Variants in GRAMD1B observed in about 807,000 individuals in gnomAD.
GRAMD1B encodes GRAM domain containing 1B.
A neutral mutation model predicts 99.7 loss-of-function variants in GRAMD1B; 37 were observed. The ratio of observed to expected loss-of-function variants is 0.37; its 90% CI spans 0.29 to 0.49. The LOEUF is 0.49. GRAMD1B is among the 20% of genes least tolerant of loss of function. The pLI, the probability that GRAMD1B is intolerant of heterozygous loss-of-function variation, is 0.98. For missense variants in GRAMD1B, 888 were observed against 1,009.2 expected, an observed-to-expected ratio of 0.88 and a Z score of 1.63; for synonymous variants, 427 against 387.6, an observed-to-expected ratio of 1.10 and a Z score of -1.19.
intron 2 of GRAMD1B, among the ~76,000 whole-genome samples, chr11:123,565,202 C>CT (rs59084399): frequency 0.15 from 18,700 of 126,208 alleles, 1,362 homozygotes; most frequent in Admixed American, 0.17. Flanking sequence ...CTGGCTAATT[C>CT]TTTTTTTTTT....
At chr11:123,618,560 C>A in intron 17 of GRAMD1B, 133 bp from the exon 18 acceptor site, 1 of 812,880 alleles carries the variant, frequency 1.2e-6, no homozygotes, top group Non-Finnish European at 2.2e-6. Context: ...TGCTCCATCC[C>A]TCCAGCTCAG....
rs752910981 is a variant in GRAMD1B, at chr11:123,591,092, G to C, written c.685-2990G>C. 32 of 224,940 alleles carry C rather than the reference G, an allele frequency of 1.4e-4. No homozygotes were observed. The highest frequency in any genetic ancestry group is 2.2e-4 in the Non-Finnish European group (26 of 116,058). 13.9% of individuals were successfully genotyped at this position (224,940 alleles called of 1,614,324 possible). ...AGGTGCGTGACCACACCACCTCTGG[G>C]CTACTCTCTGCCCGTGGACCAGCCG... On this transcript the variant is annotated intron_variant, in intron 4 of 19. Coordinates refer to ENST00000635736, the MANE Select transcript of GRAMD1B (RefSeq NM_001387025.1). The surrounding 1 kb of genome is among the most constrained non-coding windows in gnomAD (Gnocchi z 4.7).
At chr11:123,425,594 G>A (rs1412796194), upstream of GRAMD1B, among the ~76,000 whole-genome samples, 3 of 152,192 alleles carry the variant, frequency 2.0e-5, no homozygotes, top group South Asian at 4.1e-4. Flanking sequence ...CCCTGTGAGG[G>A]CTGTTGGAAA....
chr11:123,522,655 C>A (rs1169611480), intron 2 of GRAMD1B, among the ~76,000 whole-genome samples: 3 of 152,070 alleles, frequency 2.0e-5, no homozygotes, highest in African/African-American at 4.8e-5. Context: ...TGGAACCTGT[C>A]CCCAGGGCCC....
rs1245839132 is a variant in GRAMD1B, at chr11:123,618,732, C to T, written c.2358C>T (p.Tyr786=). The T allele has an allele frequency of 1.3e-6, 2 of 1,589,200 alleles. No individual in the cohort carries two copies. Among genetic ancestry groups the T allele is most frequent in the Non-Finnish European group, 1.7e-6 (2 of 1,166,826 alleles). ...TCATCCTTAACATGATGCTCTTCTA[C>T]AAACTCTGGATGTTGGAATACACCA... ...LLVILNMMLF[Y]KLWMLEYTTQ... Residue 786 remains tyrosine, a synonymous_variant, in exon 18 of 20, where the codon TAC becomes TAT. Transcript: ENST00000635736.
chr11:123,458,281 G>A (rs1458492770), intron 1 of GRAMD1B: 2 of 152,254 alleles, frequency 1.3e-5, no homozygotes, highest in African/African-American at 4.8e-5. Context: ...TGAGGCCAAA[G>A]GCCTAGAACT....
Position 123,594,795 on chromosome 11 carries a change from A to C in GRAMD1B, c.830A>C (p.Asn277Thr). ...CAGGGCCGACTCTACCTCTCTGAAA[A>C]TTGGATCTGCTTCTACAGCAACATC... ...LLQGRLYLSE[N>T]WICFYSNIFR... The change falls in exon 6 of 20, where the codon AAT (asparagine) becomes ACT (threonine). Residue 277 changes from asparagine to threonine, a missense_variant. Asn to Thr is a moderately conservative substitution (Grantham distance 65). Coordinates refer to ENST00000635736, the MANE Select transcript of GRAMD1B (RefSeq NM_001387025.1). The C allele has an allele frequency of 6.2e-7, 1 of 1,608,220 alleles. No individual in the cohort carries two copies. The highest frequency in any genetic ancestry group is 8.5e-7 in the Non-Finnish European group (1 of 1,174,646).
chr11:123,621,492 A>G (rs1592322066), intron 19 of GRAMD1B, among the ~76,000 whole-genome samples: 1 of 152,192 alleles, frequency 6.6e-6, no homozygotes, highest in Non-Finnish European at 1.5e-5. Flanking sequence ...GTCCTAGCAA[A>G]CATGAAACCA....
intron 2 of GRAMD1B, among the ~76,000 whole-genome samples, chr11:123,493,502 G>A (rs1302469257): frequency 6.6e-6 from 1 of 152,176 alleles, no homozygotes; most frequent in Non-Finnish European, 1.5e-5. Context: ...GCCAGGGGAA[G>A]CCAGTTATAT....
chr11:123,396,282 CT>C (rs567798801), intron 1 of GRAMD1B, among the ~76,000 whole-genome samples: 1 of 140,992 alleles, frequency 7.1e-6, no homozygotes, highest in Non-Finnish European at 1.6e-5. Flanking sequence ...TCTTCTTCTT[CT>C]TTTTTTTTTG....
intron 1 of GRAMD1B, among the ~76,000 whole-genome samples, chr11:123,369,284 G>C (rs1287036650): frequency 6.6e-6 from 1 of 152,150 alleles, no homozygotes; most frequent in Non-Finnish European, 1.5e-5. Context: ...CTAGGTGACA[G>C]AGCAAGATCC....
chr11:123,544,534 C>A (rs1374071523), intron 2 of GRAMD1B, among the ~76,000 whole-genome samples: 1 of 152,208 alleles, frequency 6.6e-6, no homozygotes, highest in Admixed American at 6.5e-5. Context: ...TTTGACCCCA[C>A]CCCTCCTCCT....
Position 123,590,837 on chromosome 11 carries a change from T to TG in GRAMD1B, c.685-3242dup, listed in dbSNP as rs1309569707. Among the ~76,000 whole-genome samples, 7 of 152,282 alleles carry TG rather than the reference T, an allele frequency of 4.6e-5. No homozygotes were observed. In the East Asian group the frequency reaches 1.4e-3, roughly 29 times the overall value. On this transcript the variant is annotated intron_variant, in intron 4 of 19. Coordinates refer to ENST00000635736, the MANE Select transcript of GRAMD1B (RefSeq NM_001387025.1). ...GTGGGACAGACCAGGACTGGGGAGC[T>TG]GGGCATTCGGTTCCTTTGCTGGAGT... is the stretch of plus-strand genomic sequence containing the variant.
chr11:123,435,700 CT>C, intron 1 of GRAMD1B: 1 of 415,802 alleles, frequency 2.4e-6, no homozygotes, highest in Non-Finnish European at 4.3e-6. Flanking sequence ...TAAATGATTC[CT>C]TTTTCTCTAC....
At chr11:123,368,812 T>C (rs1195055858) in intron 1 of GRAMD1B, among the ~76,000 whole-genome samples, 1 of 151,958 alleles carries the variant, frequency 6.6e-6, no homozygotes, top group South Asian at 2.1e-4. Context: ...TTCATTATCT[T>C]GGCAAAAATA....
chr11:123,413,195 C>A (rs2714060), intron 1 of GRAMD1B, among the ~76,000 whole-genome samples: 30,601 of 152,060 alleles, frequency 0.2, 3,315 homozygotes, highest in African/African-American at 0.26. Flanking sequence ...CCTGAGCTCA[C>A]CTGGTCCTGG....
intron 2 of GRAMD1B, chr11:123,526,254 T>C (rs1942730580): frequency 8.7e-7 from 1 of 1,153,138 alleles, no homozygotes; most frequent in South Asian, 1.3e-5. Context: ...AGAGGTCTCC[T>C]TCATTGATGC....
chr11:123,567,083 C>A (rs138963889), intron 2 of GRAMD1B, among the ~76,000 whole-genome samples: 19 of 152,256 alleles, frequency 1.2e-4, no homozygotes, highest in African/African-American at 4.1e-4. Context: ...GACATTTGAG[C>A]TTTGATCTGA....
chr11:123,503,172 G>A (rs1290074356), intron 2 of GRAMD1B, among the ~76,000 whole-genome samples: 1 of 152,240 alleles, frequency 6.6e-6, no homozygotes, highest in African/African-American at 2.4e-5. Context: ...TTGTGAACAA[G>A]GGTACAGGCA....
Sources: gnomAD v4.1 joint callset for allele counts (sites outside exome capture counted in the v4.1 genomes callset) on GRCh38, gnomAD v4.1.1 for gene constraint, Gnocchi (gnomAD v3.1) non-coding constraint, MANE v1.5 for transcripts, NCBI Gene and HGNC (gene_info 2026-07-23, HGNC 2026-07-21) for gene names.